GRID2: variants seen among roughly 807,000 people sequenced by gnomAD.
GRID2 encodes glutamate receptor ionotropic, delta-2.
In GRID2, 33 loss-of-function variants were observed where a neutral mutation model predicts 114.8. That is an observed-to-expected ratio of 0.29 (90% confidence interval 0.22 to 0.38). The LOEUF (loss-of-function observed/expected upper bound fraction) is 0.38, where lower values mean the gene tolerates loss of function less well. Among genes scored for constraint, GRID2 ranks in the 10% least tolerant of loss-of-function variants. GRID2 has a pLI of 1.00. For synonymous variants in GRID2, 505 were observed against 449.9 expected (o/e 1.12, Z -1.55); for missense variants, 1,184 against 1,257.7 (o/e 0.94, Z 0.89).
chr4:93,113,360 G>C (rs1033859102), intron 4 of GRID2, among the ~76,000 whole-genome samples: 1 of 152,156 alleles, frequency 6.6e-6, no homozygotes, highest in Non-Finnish European at 1.5e-5. Context: ...ACTAGGAAGA[G>C]GCAGATCTGG....
At chr4:93,036,472 G>A (rs910269547) in intron 2 of GRID2, among the ~76,000 whole-genome samples, 1 of 151,888 alleles carries the variant, frequency 6.6e-6, no homozygotes, top group Non-Finnish European at 1.5e-5. Flanking sequence ...AATACTCTAG[G>A]AAAATTAAGT....
chr4:92,769,986 A>G (rs1253150350), intron 2 of GRID2, among the ~76,000 whole-genome samples: 2 of 150,776 alleles, frequency 1.3e-5, no homozygotes, highest in African/African-American at 4.9e-5. Context: ...TTCTCCTCAG[A>G]AAATGAGATT....
Position 92,616,334 on chromosome 4 carries a change from A to G in GRID2, c.244+26048A>G, listed in dbSNP as rs1469473651. Among the ~76,000 whole-genome samples the G allele has an allele frequency of 5.3e-5, 8 of 151,494 alleles. No individual in the cohort carries two copies. The East Asian group carries it at 1.2e-3, about 22-fold the overall frequency. ...TTCTGGCCTCCTTTGTTTCTTGTAAAACATCAGCTGCTAATTTATTATGGT... is the reference window on the plus strand; with the variant it reads ...TTCTGGCCTCCTTTGTTTCTTGTAAGACATCAGCTGCTAATTTATTATGGT... On this transcript the variant is annotated intron_variant, in intron 2 of 15. Transcript: ENST00000282020.
chr4:93,683,219 C>G (rs1211952332), intron 14 of GRID2, among the ~76,000 whole-genome samples: 1 of 151,946 alleles, frequency 6.6e-6, no homozygotes, highest in Non-Finnish European at 1.5e-5. Context: ...AGGCCTGCTT[C>G]TAAACTATAA....
chr4:93,128,987 T>C (rs958640400), intron 4 of GRID2, among the ~76,000 whole-genome samples: 2 of 152,202 alleles, frequency 1.3e-5, no homozygotes, highest in East Asian at 1.9e-4. Flanking sequence ...TCTCAAGATA[T>C]ATTGATTGCC....
At chr4:93,252,124 C>T (rs1488121034) in intron 8 of GRID2, among the ~76,000 whole-genome samples, 1 of 152,096 alleles carries the variant, frequency 6.6e-6, no homozygotes. Flanking sequence ...TGGTCTTCAT[C>T]ATGAAATCTT....
chr4:93,752,772 A>G (rs914443909), intron 14 of GRID2, among the ~76,000 whole-genome samples: 4 of 152,162 alleles, frequency 2.6e-5, no homozygotes, highest in African/African-American at 9.7e-5. Context: ...ACACCTCATT[A>G]TCATTCTTTG....
intron 14 of GRID2, among the ~76,000 whole-genome samples, chr4:93,727,022 G>T (rs1345984175): frequency 6.6e-6 from 1 of 152,160 alleles, no homozygotes; most frequent in African/African-American, 2.4e-5. Flanking sequence ...CCAACACTAT[G>T]TTGAATAGGA....
chr4:92,623,875 A>G (rs62307913), intron 2 of GRID2, among the ~76,000 whole-genome samples: 9,021 of 151,732 alleles, frequency 0.059, 325 homozygotes, highest in East Asian at 0.16. Context: ...AATTTTTGGC[A>G]GTTTTTTCAA....
chr4:92,898,488 CAA>C (rs1211332752), intron 2 of GRID2, among the ~76,000 whole-genome samples: 11 of 152,022 alleles, frequency 7.2e-5, no homozygotes, highest in African/African-American at 2.7e-4. Flanking sequence ...CTTGTCTCTT[CAA>C]AGTCTATTTT....
chr4:92,717,173 C>T (rs1366275757), intron 2 of GRID2, among the ~76,000 whole-genome samples: 1 of 152,120 alleles, frequency 6.6e-6, no homozygotes, highest in Admixed American at 6.6e-5. Flanking sequence ...CTCCATTCTT[C>T]TTTATGGACA....
rs1730384792 is a variant in GRID2 at position 93,087,015 on chromosome 4, G to GCGATTTAT, written c.529+1736_529+1737insCGATTTAT. Among the ~76,000 whole-genome samples, 4 of 110,840 alleles carry GCGATTTAT rather than the reference G, an allele frequency of 3.6e-5. No homozygotes were observed. The Admixed American group carries it at 4.1e-4, about 11-fold the overall frequency. 72.7% of individuals were successfully genotyped at this position (110,840 alleles called of 152,430 possible). A position where few individuals can be genotyped will look rare whatever the true frequency, so the allele number is the denominator to read the frequency against. On this transcript the variant is annotated intron_variant, in intron 3 of 15. Transcript: ENST00000282020. ...ACAATTTTCAGTTAGTACTATGAAA[G>GCGATTTAT]TGATTTATTTATTTATTTATTTATT...
At chr4:92,898,992 G>A (rs1747370731) in intron 2 of GRID2, among the ~76,000 whole-genome samples, 1 of 151,992 alleles carries the variant, frequency 6.6e-6, no homozygotes, top group Admixed American at 6.6e-5. Context: ...GCTGTATAGT[G>A]AAATAAGTTT....
At chr4:93,334,824 G>A (rs1270295015) in intron 8 of GRID2, among the ~76,000 whole-genome samples, 4 of 152,086 alleles carry the variant, frequency 2.6e-5, no homozygotes, top group African/African-American at 7.2e-5. Context: ...CCGGCTACTC[G>A]GGAGGCTAAG....
chr4:92,412,781 C>T (rs1052877873), intron 1 of GRID2, among the ~76,000 whole-genome samples: 19 of 152,186 alleles, frequency 1.2e-4, no homozygotes, highest in African/African-American at 4.3e-4. Context: ...CAAGCACACC[C>T]TGGCATTTCA....
chr4:92,448,072 C>G (rs1733561630), intron 1 of GRID2, among the ~76,000 whole-genome samples: 1 of 151,980 alleles, frequency 6.6e-6, no homozygotes, highest in Non-Finnish European at 1.5e-5. Context: ...ATGAAATGAC[C>G]AGTGCAAAGA....
At chr4:92,795,353 G>T (rs950810530) in intron 2 of GRID2, among the ~76,000 whole-genome samples, 1 of 151,764 alleles carries the variant, frequency 6.6e-6, no homozygotes, top group Non-Finnish European at 1.5e-5. Context: ...TTCTGCTTTT[G>T]CTTCTTCCTC....
chr4:92,709,585 A>ATATATAT (rs1392277814), intron 2 of GRID2, among the ~76,000 whole-genome samples: 121 of 124,318 alleles, frequency 9.7e-4, no homozygotes, highest in African/African-American at 2.9e-3. Flanking sequence ...AAAAAAAAAA[A>ATATATAT]AAAAATATAT....
chr4:93,704,080 C>T (rs1394147609), intron 14 of GRID2, among the ~76,000 whole-genome samples: 3 of 152,234 alleles, frequency 2.0e-5, no homozygotes, highest in Non-Finnish European at 4.4e-5. Flanking sequence ...CACTGACTTC[C>T]ACAATGGTTG....
Sources: allele counts gnomAD v4.1 joint callset (sites outside exome capture counted in the v4.1 genomes callset), GRCh38; gene constraint gnomAD v4.1.1; transcripts MANE v1.5; gene names NCBI Gene and HGNC (gene_info 2026-07-23, HGNC 2026-07-21).